PCDHGA9: variants seen among roughly 807,000 people sequenced by gnomAD.
PCDHGA9 encodes the protein protocadherin gamma-A9.
Under a neutral mutation model 62.5 loss-of-function variants are expected in PCDHGA9, and 37 were observed. The ratio of observed to expected loss-of-function variants is 0.59; its 90% CI spans 0.46 to 0.78. The LOEUF is 0.78. Ranked by LOEUF, PCDHGA9 falls within the 30% of genes least tolerant of loss-of-function variation. PCDHGA9 has a pLI of 0.00. For synonymous variants in PCDHGA9, 459 were observed against 484.6 expected (o/e 0.95, Z 0.69); for missense variants, 1,138 against 1,166.2 (o/e 0.98, Z 0.35).
Position 141,487,591 on chromosome 5 carries a change from C to G in PCDHGA9, c.2425-7216C>G, listed in dbSNP as rs2099653282. The G allele has an allele frequency of 1.2e-6, 2 of 1,614,176 alleles. No individual in the cohort carries two copies. The highest frequency in any genetic ancestry group is 1.7e-6 in the Non-Finnish European group (2 of 1,180,036). ...AGCCTGTTCGCCCAAGCTGCCCACC[C>G]TCTGATCTTCTCTATGGGCTAGAGG... is the stretch of plus-strand genomic sequence containing the variant. On this transcript the variant is annotated intron_variant, in intron 1 of 3. Coordinates refer to ENST00000573521, the MANE Select transcript of PCDHGA9 (RefSeq NM_018921.3). The surrounding 1 kb of genome is among the most constrained non-coding windows in gnomAD (Gnocchi z 5.0).
At position 141,404,816 on chromosome 5, in the gene PCDHGA9, C is replaced by A; in HGVS notation, c.1864C>A (p.His622Asn). 6.2e-7 allele frequency: 1 copy of A among 1,610,374 alleles called. No homozygotes were observed. The highest frequency in any genetic ancestry group is 8.5e-7 in the Non-Finnish European group (1 of 1,178,604). ...SEPGLFSVGL[H>N]TGEVRTARAL... ...GCCAGGGCTCTTCTCGGTGGGGCTG[C>A]ACACAGGTGAAGTGCGCACAGCTCG... The change falls in exon 1 of 4, where the codon CAC becomes AAC. Residue 622 changes from histidine (H) to asparagine (N), a missense_variant. Coordinates refer to ENST00000573521, the MANE Select transcript of PCDHGA9 (RefSeq NM_018921.3).
At chr5:141,478,169 G>T in intron 1 of PCDHGA9, 1 of 1,613,834 alleles carries the variant, frequency 6.2e-7, no homozygotes, top group Non-Finnish European at 8.5e-7. Flanking sequence ...TGCCCCCCGG[G>T]AGCAGAAAAA....
Position 141,491,795 on chromosome 5 carries a change from C to T in PCDHGA9, c.2425-3012C>T. On this transcript the variant is annotated intron_variant, in intron 1 of 3. Coordinates refer to ENST00000573521, the MANE Select transcript of PCDHGA9 (RefSeq NM_018921.3). This position sits in a 1 kb window ranked among gnomAD's most constrained non-coding sequence, Gnocchi z 6.9. ...GGATTGAACTTGCATCCACTCCTCT[C>T]CGGCCGGCTTGGTCGCTGGCTGCGC... 6 of 1,511,694 alleles carry T rather than the reference C, an allele frequency of 4.0e-6. No individual in the cohort carries two copies. Among genetic ancestry groups the T allele is most frequent in the Non-Finnish European group, 5.3e-6 (6 of 1,130,430 alleles). 93.6% of individuals were successfully genotyped at this position (1,511,694 alleles called of 1,614,324 possible).
At chr5:141,469,569 G>A (rs975304006) in intron 1 of PCDHGA9, among the ~76,000 whole-genome samples, 1 of 152,122 alleles carries the variant, frequency 6.6e-6, no homozygotes, top group Non-Finnish European at 1.5e-5. Flanking sequence ...GTGAGACTCT[G>A]TCTCTAAATA....
At chr5:141,494,965 C>T in intron 2 of PCDHGA9, 100 bp downstream of exon 2, 1 of 1,592,636 alleles carries the variant, frequency 6.3e-7, no homozygotes, top group Non-Finnish European at 8.6e-7. Context: ...CTACAGATGG[C>T]TTCTCCCTCA....
intron 1 of PCDHGA9, among the ~76,000 whole-genome samples, chr5:141,482,633 G>T (rs1218163238): frequency 2.0e-5 from 3 of 151,784 alleles, no homozygotes; most frequent in Non-Finnish European, 2.9e-5. Flanking sequence ...AGGAAGAAAT[G>T]ATAGAGGTGG....
At chr5:141,414,691 T>A (rs2095777481) in intron 1 of PCDHGA9, 1 of 1,613,848 alleles carries the variant, frequency 6.2e-7, no homozygotes, top group African/African-American at 1.3e-5. Context: ...GGTACCTCTG[T>A]CCTCATACAT....
Position 141,486,388 on chromosome 5 carries a change from C to T in PCDHGA9, c.2425-8419C>T, listed in dbSNP as rs2099628930. ...TCAAGTCTGCCTTCAGGAACCAGTT[C>T]TCCCTGGTGACTGCTGGACCCTTGG... On this transcript the variant is annotated intron_variant, in intron 1 of 3. Coordinates refer to ENST00000573521, the MANE Select transcript of PCDHGA9 (RefSeq NM_018921.3). This position sits in a 1 kb window ranked among gnomAD's most constrained non-coding sequence, Gnocchi z 5.0. 2 of 1,613,988 alleles carry T rather than the reference C, an allele frequency of 1.2e-6. No individual in the cohort carries two copies. The highest frequency in any genetic ancestry group is 2.7e-5 in the African/African-American group (2 of 74,924).
At chr5:141,510,845 C>T (rs2099883036) in intron 3 of PCDHGA9, 102 bp from the exon 4 acceptor site, 3 of 1,593,960 alleles carry the variant, frequency 1.9e-6, no homozygotes, top group Non-Finnish European at 2.6e-6. Context: ...TGGTCAAGGC[C>T]CAGGGTGCTG....
chr5:141,468,351 A>T (rs1030472813), intron 1 of PCDHGA9: 1 of 149,190 alleles, frequency 6.7e-6, no homozygotes, highest in East Asian at 2.0e-4. Flanking sequence ...AAAAAAAAAG[A>T]AAGAAAAAAG....
chr5:141,403,630 G>A lies in PCDHGA9; in HGVS notation c.678G>A (p.Val226=), dbSNP rs2094436948. The change falls in exon 1 of 4, where the codon GTG becomes GTA. Residue 226 remains valine, a synonymous_variant. Transcript: ENST00000573521. The part of the protein sequence containing the change: ...DGGEPRRSST[V]RIHVTVLDTN... ...GCGAGCCGCGTCGCTCCAGCACAGTGCGCATCCATGTGACAGTGTTGGATA... is the reference window on the plus strand; with the variant it reads ...GCGAGCCGCGTCGCTCCAGCACAGTACGCATCCATGTGACAGTGTTGGATA... 3.1e-6 allele frequency: 5 copies of A among 1,613,786 alleles called. No individual in the cohort carries two copies. The highest frequency in any genetic ancestry group is 3.3e-4 in the Middle Eastern group (2 of 6,082).
Position 141,477,902 on chromosome 5 carries a change from T to A in PCDHGA9, c.2425-16905T>A. ...CCACCTAGTGTCACGGGTGGTAGGC[T>A]GGGACGCGGATGCAGGGCACAATGC... On this transcript the variant is annotated intron_variant, in intron 1 of 3. Transcript: ENST00000573521. The surrounding 1 kb of genome is among the most constrained non-coding windows in gnomAD (Gnocchi z 4.9). The A allele has an allele frequency of 6.2e-7, 1 of 1,614,176 alleles. No homozygotes were observed. Among genetic ancestry groups the A allele is most frequent in the Non-Finnish European group, 8.5e-7 (1 of 1,180,028 alleles).
At position 141,405,002 on chromosome 5, in the gene PCDHGA9, C is replaced by G; in HGVS notation, c.2050C>G (p.Leu684Val). ...DLGSLQIPAD[L>V]EASDLTLYLV... ...GGGCAGTCTTCAGATCCCTGCAGAC[C>G]TGGAGGCCTCAGACCTTACCCTCTA... Residue 684 changes from leucine (L) to valine (V), a missense_variant, in exon 1 of 4, where the codon CTG becomes GTG. By Grantham distance (32) the Leu-to-Val change is conservative (BLOSUM62 1). Coordinates refer to ENST00000573521, the MANE Select transcript of PCDHGA9 (RefSeq NM_018921.3). The G allele has an allele frequency of 1.2e-6, 2 of 1,613,988 alleles. No homozygotes were observed. The highest frequency in any genetic ancestry group is 1.7e-6 in the Non-Finnish European group (2 of 1,179,862).
intron 1 of PCDHGA9, chr5:141,415,066 C>T (rs777981621): frequency 1.4e-5 from 23 of 1,613,410 alleles, no homozygotes; most frequent in Non-Finnish European, 1.9e-5. Flanking sequence ...GGGCGAGGTG[C>T]GCACGGCGCG....
chr5:141,431,126 G>A lies in PCDHGA9; in HGVS notation c.2424+25750G>A, dbSNP rs2097344901. The A allele has an allele frequency of 2.5e-6, 4 of 1,614,114 alleles. No individual in the cohort carries two copies. Among genetic ancestry groups the A allele is most frequent in the Non-Finnish European group, 3.4e-6 (4 of 1,180,038 alleles). On this transcript the variant is annotated intron_variant, in intron 1 of 3. Coordinates refer to ENST00000573521, the MANE Select transcript of PCDHGA9 (RefSeq NM_018921.3). The surrounding 1 kb of genome is among the most constrained non-coding windows in gnomAD (Gnocchi z 4.8). ...GAAAATATATGGAGTAGAAGTAGAA[G>A]TAAGGGACATTAACGACAATGCGCC... is the stretch of plus-strand genomic sequence containing the variant.
At position 141,413,783 on chromosome 5, in the gene PCDHGA9, C is replaced by T. The variant is rs1418394305; in HGVS notation, c.2424+8407C>T. 3.7e-6 allele frequency: 6 copies of T among 1,613,096 alleles called. No individual in the cohort carries two copies. Among genetic ancestry groups the T allele is most frequent in the Non-Finnish European group, 4.2e-6 (5 of 1,179,878 alleles). On this transcript the variant is annotated intron_variant, in intron 1 of 3. Coordinates refer to ENST00000573521, the MANE Select transcript of PCDHGA9 (RefSeq NM_018921.3). ...TACCCGGAGCTGGTACTGGAGCACT[C>T]CCTAGATCGCGAGGAAGAGGCCATT...
chr5:141,490,473 T>C lies in PCDHGA9; in HGVS notation c.2425-4334T>C. 6.2e-7 allele frequency: 1 copy of C among 1,614,228 alleles called. No homozygotes were observed. Among genetic ancestry groups the C allele is most frequent in the East Asian group, 2.2e-5 (1 of 44,878 alleles). On this transcript the variant is annotated intron_variant, in intron 1 of 3. Transcript: ENST00000573521. This position sits in a 1 kb window ranked among gnomAD's most constrained non-coding sequence, Gnocchi z 5.4. ...ACTACTCGCTGCTAACCAGCCAGCC[T>C]TTGGACCGGGAGGCCACATCCCACT...
Position 141,432,039 on chromosome 5 carries a change from G to C in PCDHGA9, c.2424+26663G>C. ...AACATCACAGTGACCGCCACTGACC[G>C]GGGAACCCCGCCCCTATCCACGGAA... On this transcript the variant is annotated intron_variant, in intron 1 of 3. Transcript: ENST00000573521. This position sits in a 1 kb window ranked among gnomAD's most constrained non-coding sequence, Gnocchi z 6.0. 6.2e-7 allele frequency: 1 copy of C among 1,614,176 alleles called. No homozygotes were observed. Among genetic ancestry groups the C allele is most frequent in the Non-Finnish European group, 8.5e-7 (1 of 1,180,028 alleles).
chr5:141,463,548 A>C (rs2099063677), intron 1 of PCDHGA9, among the ~76,000 whole-genome samples: 1 of 140,798 alleles, frequency 7.1e-6, no homozygotes, highest in Non-Finnish European at 1.5e-5. Context: ...TCCCGGGTTC[A>C]TGCCATTCTC....
Sources: gnomAD v4.1 joint callset for allele counts (sites outside exome capture counted in the v4.1 genomes callset) on GRCh38, gnomAD v4.1.1 for gene constraint, Gnocchi (gnomAD v3.1) non-coding constraint, MANE v1.5 for transcripts, NCBI Gene and HGNC (gene_info 2026-07-23, HGNC 2026-07-21) for gene names.